Variants in SCHIP1 observed in about 807,000 individuals in gnomAD.
The protein encoded by SCHIP1 is schwannomin-interacting protein 1.
A neutral mutation model predicts 29.7 loss-of-function variants in SCHIP1; 8 were observed. The ratio of observed to expected loss-of-function variants is 0.27; its 90% CI spans 0.16 to 0.49. The LOEUF (loss-of-function observed/expected upper bound fraction) is 0.49, where lower values mean the gene tolerates loss of function less well. Ranked by LOEUF, SCHIP1 falls within the 20% of genes least tolerant of loss-of-function variation. The pLI, the probability that SCHIP1 is intolerant of heterozygous loss-of-function variation, is 0.99. For missense variants in SCHIP1, 193 were observed against 294.6 expected, an observed-to-expected ratio of 0.66 and a Z score of 2.52; for synonymous variants, 76 against 94.9, an observed-to-expected ratio of 0.80 and a Z score of 1.16.
At chr3:159,508,066 G>T in the SCHIP1 span, among the ~76,000 whole-genome samples, 1 of 152,164 alleles carries the variant, frequency 6.6e-6, no homozygotes, top group Non-Finnish European at 1.5e-5. Context: ...TTGTACCTCT[G>T]GTAGAATTCG....
the SCHIP1 span, among the ~76,000 whole-genome samples, chr3:159,768,916 C>G: frequency 6.6e-6 from 1 of 152,230 alleles, no homozygotes; most frequent in Non-Finnish European, 1.5e-5. Context: ...AGTGCCCCTT[C>G]CATGGGCAGC....
chr3:159,530,857 C>T, the SCHIP1 span, among the ~76,000 whole-genome samples: 3 of 152,164 alleles, frequency 2.0e-5, no homozygotes, highest in Admixed American at 6.5e-5. Flanking sequence ...ATAAAATACA[C>T]ATGACCAGGA....
chr3:159,832,451 A>G, the SCHIP1 span, among the ~76,000 whole-genome samples: 1 of 151,876 alleles, frequency 6.6e-6, no homozygotes, highest in Admixed American at 6.6e-5. Flanking sequence ...CATCAGCTAC[A>G]TTGGCAACCT....
At chr3:159,682,159 G>C in the SCHIP1 span, among the ~76,000 whole-genome samples, 1 of 152,158 alleles carries the variant, frequency 6.6e-6, no homozygotes, top group Non-Finnish European at 1.5e-5. Flanking sequence ...TATCCTTTCT[G>C]AGGTTTAATA....
At chr3:159,461,362 G>C in the SCHIP1 span, among the ~76,000 whole-genome samples, 16 of 152,008 alleles carry the variant, frequency 1.1e-4, no homozygotes, top group Non-Finnish European at 2.4e-4. Flanking sequence ...ACTGCTTTCT[G>C]TCTGTTGAGG....
chr3:159,595,526 G>A, the SCHIP1 span, among the ~76,000 whole-genome samples: 1 of 152,116 alleles, frequency 6.6e-6, no homozygotes, highest in Non-Finnish European at 1.5e-5. Context: ...CCCTTCAGGA[G>A]CCATGCAAAC....
chr3:159,490,621 G>A, the SCHIP1 span, among the ~76,000 whole-genome samples: 4 of 152,176 alleles, frequency 2.6e-5, no homozygotes, highest in African/African-American at 9.7e-5. Flanking sequence ...GTGGAGAAAT[G>A]ATGAATCTAA....
At chr3:159,867,771 C>T (rs1247108243) in intron 2 of SCHIP1, among the ~76,000 whole-genome samples, 1 of 152,036 alleles carries the variant, frequency 6.6e-6, no homozygotes, top group Non-Finnish European at 1.5e-5. Flanking sequence ...GAAACTTTAA[C>T]AATTTACTTA....
chr3:159,517,549 T>C, the SCHIP1 span, among the ~76,000 whole-genome samples: 1 of 152,154 alleles, frequency 6.6e-6, no homozygotes, highest in African/African-American at 2.4e-5. Context: ...TTATTACTGA[T>C]ATGATGTGTG....
At chr3:159,285,018 A>G in the SCHIP1 span, among the ~76,000 whole-genome samples, 8 of 152,180 alleles carry the variant, frequency 5.3e-5, no homozygotes, top group African/African-American at 1.4e-4. Flanking sequence ...TATTATAGAA[A>G]CATTTAAAAT....
the SCHIP1 span, among the ~76,000 whole-genome samples, chr3:159,627,212 T>C: frequency 6.6e-6 from 1 of 152,202 alleles, no homozygotes; most frequent in African/African-American, 2.4e-5. Flanking sequence ...TGTGGCATTT[T>C]TGTAATTATT....
chr3:159,294,842 C>A, the SCHIP1 span, among the ~76,000 whole-genome samples: 5 of 152,086 alleles, frequency 3.3e-5, no homozygotes, highest in African/African-American at 1.2e-4. Flanking sequence ...GCAACTTGAA[C>A]TACTGAGTCT....
the SCHIP1 span, among the ~76,000 whole-genome samples, chr3:159,616,744 A>G: frequency 2.0e-4 from 31 of 152,136 alleles, no homozygotes; most frequent in Middle Eastern, 3.4e-3. Flanking sequence ...TGCATGGAAC[A>G]TGTCCCTTGC....
At chr3:159,604,297 G>A in the SCHIP1 span, among the ~76,000 whole-genome samples, 4 of 152,276 alleles carry the variant, frequency 2.6e-5, no homozygotes, top group South Asian at 2.1e-4. Flanking sequence ...AGAATTCCAG[G>A]CACATTCTTT....
At chr3:159,549,352 T>G in the SCHIP1 span, among the ~76,000 whole-genome samples, 1 of 152,190 alleles carries the variant, frequency 6.6e-6, no homozygotes, top group Non-Finnish European at 1.5e-5. Context: ...ATGGTCTAAA[T>G]GTTTGTGTCC....
rs1475491908 is a variant in SCHIP1, at chr3:159,861,601, C to G, written c.31-4562C>G. ...ATTTAGCAACAGATGAGGACAAAAA[C>G]TTCCTGGGGCTGAATAGCGGTGAGT... On this transcript the variant is annotated intron_variant, in intron 1 of 6. Coordinates refer to ENST00000445224, the Ensembl canonical transcript of SCHIP1. This position sits in a 1 kb window ranked among gnomAD's most constrained non-coding sequence, Gnocchi z 4.1. Among the ~76,000 whole-genome samples, 1 of 152,182 alleles carries G rather than the reference C, an allele frequency of 6.6e-6. No homozygotes were observed. The highest frequency in any genetic ancestry group is 1.5e-5 in the Non-Finnish European group (1 of 68,028).
the SCHIP1 span, among the ~76,000 whole-genome samples, chr3:159,790,838 G>T: frequency 1.3e-5 from 2 of 151,966 alleles, no homozygotes; most frequent in Admixed American, 6.6e-5. Context: ...CTTTATCATT[G>T]CTATTTTAAG....
the SCHIP1 span, among the ~76,000 whole-genome samples, chr3:159,350,001 A>G: frequency 6.6e-6 from 1 of 152,144 alleles, no homozygotes; most frequent in East Asian, 1.9e-4. Context: ...GTCATTGTGT[A>G]AATAATTCTA....
the SCHIP1 span, among the ~76,000 whole-genome samples, chr3:159,330,252 T>C: frequency 6.6e-6 from 1 of 152,216 alleles, no homozygotes; most frequent in African/African-American, 2.4e-5. Flanking sequence ...TTCTTTTTTC[T>C]ATTTCTATGT....
Sources: gnomAD v4.1 joint callset for allele counts (sites outside exome capture counted in the v4.1 genomes callset) on GRCh38, gnomAD v4.1.1 for gene constraint, Gnocchi (gnomAD v3.1) non-coding constraint, MANE v1.5 for transcripts, NCBI Gene and HGNC (gene_info 2026-07-23, HGNC 2026-07-21) for gene names.